Variants in PIGL observed in about 807,000 individuals in gnomAD.
PIGL encodes phosphatidylinositol glycan anchor biosynthesis class L, also known as N-acetylglucosaminyl-phosphatidylinositol de-N-acetylase.
A neutral mutation model predicts 31.1 loss-of-function variants in PIGL; 22 were observed. The ratio of observed to expected loss-of-function variants is 0.71; its 90% CI spans 0.51 to 1.01. The LOEUF (loss-of-function observed/expected upper bound fraction) is 1.01. Among genes scored for constraint, PIGL ranks in the 50% least tolerant of loss-of-function variants. The probability of loss-of-function intolerance (pLI) is 0.00; values close to 1 mark genes in which losing one functional copy is unlikely to be tolerated. For missense variants in PIGL, 302 were observed against 315.9 expected, an observed-to-expected ratio of 0.96 and a Z score of 0.33; for synonymous variants, 131 against 117.4, an observed-to-expected ratio of 1.12 and a Z score of -0.75.
intron 1 of PIGL, among the ~76,000 whole-genome samples, chr17:16,225,884 A>G (rs901345635): frequency 6.6e-6 from 1 of 152,042 alleles, no homozygotes; most frequent in African/African-American, 2.4e-5. Context: ...GCTTAAAACC[A>G]TAATTAAATC....
chr17:16,287,108 C>T (rs963811017), intron 2 of PIGL, among the ~76,000 whole-genome samples: 1 of 152,200 alleles, frequency 6.6e-6, no homozygotes, highest in African/African-American at 2.4e-5. Context: ...TCCCTGGGGA[C>T]CCCTCCAGAT....
intron 1 of PIGL, among the ~76,000 whole-genome samples, chr17:16,231,515 C>G (rs558152247): frequency 1.3e-5 from 2 of 152,204 alleles, no homozygotes; most frequent in East Asian, 3.9e-4. Context: ...GCTGGGAATA[C>G]AGACATGAGC....
intron 2 of PIGL, among the ~76,000 whole-genome samples, chr17:16,236,132 A>G (rs2092698895): frequency 6.6e-6 from 1 of 152,190 alleles, no homozygotes; most frequent in African/African-American, 2.4e-5. Flanking sequence ...ATTTGAAACA[A>G]AAAAACAGGA....
chr17:16,233,714 G>A (rs2092688110), intron 1 of PIGL, among the ~76,000 whole-genome samples: 1 of 152,108 alleles, frequency 6.6e-6, no homozygotes, highest in Non-Finnish European at 1.5e-5. Context: ...GCATGTGACT[G>A]AAATGCAGAC....
intron 2 of PIGL, among the ~76,000 whole-genome samples, chr17:16,239,803 A>G (rs1045620011): frequency 6.6e-6 from 1 of 150,930 alleles, no homozygotes; most frequent in Admixed American, 6.6e-5. Flanking sequence ...TTTTTTTTTT[A>G]GAGACAAGGT....
chr17:16,274,487 C>T (rs1270022707), intron 2 of PIGL, among the ~76,000 whole-genome samples: 2 of 152,108 alleles, frequency 1.3e-5, no homozygotes, highest in Non-Finnish European at 2.9e-5. Context: ...CTTTGGGAGG[C>T]CGAGGCGGGT....
chr17:16,307,576 C>T (rs2093031231), intron 3 of PIGL, among the ~76,000 whole-genome samples: 1 of 152,170 alleles, frequency 6.6e-6, no homozygotes, highest in African/African-American at 2.4e-5. Flanking sequence ...ATAGTTCTGT[C>T]ATCAAAGGTA....
At chr17:16,217,625 G>C in intron 1 of PIGL, 164 bp downstream of exon 1, 1 of 550,900 alleles carries the variant, frequency 1.8e-6, no homozygotes, top group Admixed American at 3.5e-5. Context: ...GGAGCGGCCG[G>C]CTTACCTGGT....
chr17:16,263,252 C>T (rs2142753410), intron 2 of PIGL, among the ~76,000 whole-genome samples: 1 of 152,166 alleles, frequency 6.6e-6, no homozygotes, highest in Admixed American at 6.5e-5. Flanking sequence ...AGTCACAGCT[C>T]ATGGCAGCCT....
chr17:16,325,300 G>A (rs1191331292), intron 6 of PIGL, among the ~76,000 whole-genome samples: 7 of 133,418 alleles, frequency 5.2e-5, no homozygotes, highest in African/African-American at 2.0e-4. Flanking sequence ...AGCCAAGATC[G>A]CGCCACTGCA....
intron 2 of PIGL, among the ~76,000 whole-genome samples, chr17:16,250,855 G>C (rs1370221191): frequency 2.0e-5 from 3 of 152,170 alleles, no homozygotes; most frequent in Non-Finnish European, 2.9e-5. Flanking sequence ...GATGCAATCT[G>C]GGTGTACAGT....
At position 16,223,449 on chromosome 17, in the gene PIGL, T is replaced by C. The variant is rs551832917; in HGVS notation, c.235+5988T>C. Among the ~76,000 whole-genome samples, 1,083 of 152,090 alleles carry C rather than the reference T, an allele frequency of 7.1e-3. 13 individuals carry two copies. Among genetic ancestry groups the C allele is most frequent in the African/African-American group, 0.025 (1,042 of 41,504 alleles). Reference sequence around the variant, plus strand: ...AAAATTAGCCGGGTGTGGTGGTGGATGCCTGTAATCCCAGCTACTCAGGAG... The same window carrying C: ...AAAATTAGCCGGGTGTGGTGGTGGACGCCTGTAATCCCAGCTACTCAGGAG... On this transcript the variant is annotated intron_variant, in intron 1 of 6. Coordinates refer to ENST00000225609, the MANE Select transcript of PIGL (RefSeq NM_004278.4).
chr17:16,304,980 A>G (rs1319518460), intron 3 of PIGL, among the ~76,000 whole-genome samples: 1 of 151,972 alleles, frequency 6.6e-6, no homozygotes, highest in East Asian at 1.9e-4. Flanking sequence ...CCCCCTCCTC[A>G]GTTGTCACAA....
At chr17:16,263,833 CTTTTTTTTTTTTTTT>C (rs913026747) in intron 2 of PIGL, among the ~76,000 whole-genome samples, 1 of 76,980 alleles carries the variant, frequency 1.3e-5, no homozygotes, top group African/African-American at 5.8e-5. Context: ...TAAATGTTGA[CTTTTTTTTTTTTTTT>C]TTTTTTTTTT....
At chr17:16,315,689 T>G (rs188270122) in intron 4 of PIGL, among the ~76,000 whole-genome samples, 91 of 106,258 alleles carry the variant, frequency 8.6e-4, no homozygotes, top group Non-Finnish European at 1.1e-3. Context: ...TTTTCTTTTC[T>G]TTCTTTCTTT....
At chr17:16,266,378 G>A (rs1444937828) in intron 2 of PIGL, among the ~76,000 whole-genome samples, 5 of 112,186 alleles carry the variant, frequency 4.5e-5, no homozygotes, top group South Asian at 3.1e-4. Flanking sequence ...AACAGAGCGA[G>A]ACTCCATCTC....
At chr17:16,282,100 TCACCCTAC>T in intron 2 of PIGL, 1 of 504,666 alleles carries the variant, frequency 2.0e-6, no homozygotes, top group South Asian at 1.5e-5. Context: ...CGAGAATAAT[TCACCCTAC>T]AGAAGCTATC....
At chr17:16,280,355 C>G (rs996726684) in intron 2 of PIGL, among the ~76,000 whole-genome samples, 1 of 152,122 alleles carries the variant, frequency 6.6e-6, no homozygotes. Context: ...TTTTCAGCCC[C>G]CAATACTTTG....
Position 16,316,705 on chromosome 17 carries a change from A to G in PIGL, c.519A>G (p.Leu173=), listed in dbSNP as rs776654970. The part of the protein sequence containing the change: ...AVRALHSEGK[L]PKGCSVLTLQ... ...GGGCCCTGCACTCAGAAGGGAAGTTACCTAAAGGTAAGGCTTGTTCCTTTT... is the reference window on the plus strand; with the variant it reads ...GGGCCCTGCACTCAGAAGGGAAGTTGCCTAAAGGTAAGGCTTGTTCCTTTT... Residue 173 remains leucine, a synonymous_variant, in exon 5 of 7, where the codon TTA becomes TTG. Transcript: ENST00000225609. 6.2e-7 allele frequency: 1 copy of G among 1,608,602 alleles called. No individual in the cohort carries two copies. Among genetic ancestry groups the G allele is most frequent in the Non-Finnish European group, 8.5e-7 (1 of 1,175,442 alleles).
Sources: gnomAD v4.1 joint callset for allele counts (sites outside exome capture counted in the v4.1 genomes callset) on GRCh38, gnomAD v4.1.1 for gene constraint, MANE v1.5 for transcripts, NCBI Gene and HGNC (gene_info 2026-07-23, HGNC 2026-07-21) for gene names.